The following SORCS1 variants were observed in gnomAD, a reference collection of about 807,000 sequenced individuals.
SORCS1 encodes the protein sortilin related VPS10 domain containing receptor 1.
SORCS1 carries 60 observed loss-of-function variants against 146.1 expected under a neutral mutation model. That is an observed-to-expected ratio of 0.41 (90% CI 0.33 to 0.51). The LOEUF (loss-of-function observed/expected upper bound fraction) is 0.51, where lower values mean the gene tolerates loss of function less well. Among genes scored for constraint, SORCS1 ranks in the 20% least tolerant of loss-of-function variants. The probability of loss-of-function intolerance (pLI) is 0.21; values close to 1 mark genes in which losing one functional copy is unlikely to be tolerated. For synonymous variants in SORCS1, 637 were observed against 584.0 expected (o/e 1.09, Z -1.31); for missense variants, 1,352 against 1,487.6 (o/e 0.91, Z 1.50).
In SORCS1 at chr10:107,164,415, A is replaced by C; in HGVS notation, c.112T>G (p.Cys38Gly). The change falls in exon 1 of 26, where the codon TGC becomes GGC. Residue 38 changes from cysteine to glycine, a missense_variant. This residue lies in a region of SORCS1 where 490 missense variants were observed against 489.1 expected (regional missense o/e 1.00). Transcript: ENST00000263054. The surrounding 1 kb of genome is among the most constrained non-coding windows in gnomAD (Gnocchi z 6.8). ...APGVCGGGSC[C>G]PSPHPSSAPR... ...GCGGAGCTGGGGTGCGGCGAGGGGC[A>C]GCAGGAGCCGCCGCCGCAGACGCCC... The C allele has an allele frequency of 7.1e-7, 1 of 1,414,188 alleles. No individual in the cohort carries two copies. Among genetic ancestry groups the C allele is most frequent in the Non-Finnish European group, 9.2e-7 (1 of 1,089,490 alleles). The allele number at this position is 1,414,188 out of a possible 1,614,324, so 87.6% of individuals were successfully genotyped here. A position where few individuals can be genotyped will look rare whatever the true frequency, so the allele number is the denominator to read the frequency against.
At chr10:106,980,120 A>T (rs1956190140) in intron 1 of SORCS1, among the ~76,000 whole-genome samples, 1 of 152,246 alleles carries the variant, frequency 6.6e-6, no homozygotes, top group Non-Finnish European at 1.5e-5. Flanking sequence ...TACATTGAGG[A>T]TTATTTGTAA....
chr10:106,732,875 C>G (rs1856694228), intron 5 of SORCS1, among the ~76,000 whole-genome samples: 1 of 151,892 alleles, frequency 6.6e-6, no homozygotes, highest in African/African-American at 2.4e-5. Flanking sequence ...AATCCCAGCA[C>G]TGTGGGAGGC....
intron 5 of SORCS1, among the ~76,000 whole-genome samples, chr10:106,759,983 T>C (rs956957039): frequency 3.9e-5 from 6 of 152,182 alleles, no homozygotes; most frequent in Admixed American, 2.6e-4. Flanking sequence ...CAAGTATCTC[T>C]ATCTATATAT....
intron 1 of SORCS1, among the ~76,000 whole-genome samples, chr10:107,001,246 T>C (rs1051237155): frequency 2.0e-5 from 3 of 152,172 alleles, no homozygotes; most frequent in African/African-American, 7.2e-5. Context: ...TATGGTTATG[T>C]TGGGCTGGTG....
chr10:106,798,116 A>C (rs554456534), intron 3 of SORCS1, among the ~76,000 whole-genome samples: 150 of 152,252 alleles, frequency 9.9e-4, no homozygotes, highest in Admixed American at 1.8e-3. Flanking sequence ...GTGATAGCGA[A>C]TAAGTCTCAC....
intron 3 of SORCS1, among the ~76,000 whole-genome samples, chr10:106,815,357 A>G (rs1947685729): frequency 1.3e-5 from 2 of 152,208 alleles, no homozygotes. Context: ...GCAGTTGTAG[A>G]TACATAATAT....
In SORCS1 at chr10:106,674,113, G is replaced by C. The variant is rs555879962; in HGVS notation, c.1940+936C>G. On this transcript the variant is annotated intron_variant, in intron 14 of 25. Coordinates refer to ENST00000263054, the MANE Select transcript of SORCS1 (RefSeq NM_052918.5). The stretch of plus-strand genomic sequence containing the variant: ...AGGTGGATCACAAGGTCAGGAGATC[G>C]AGACCATCCTGGCTAACGTGGTGAA... Among the ~76,000 whole-genome samples, 3 of 147,100 alleles carry C rather than the reference G, an allele frequency of 2.0e-5. No individual in the cohort carries two copies. In the Admixed American group the frequency reaches 2.1e-4, roughly 10 times the overall value.
intron 2 of SORCS1, among the ~76,000 whole-genome samples, chr10:106,941,406 A>T (rs535868892): frequency 6.6e-6 from 1 of 152,208 alleles, no homozygotes; most frequent in South Asian, 2.1e-4. Context: ...GACTTAAAAA[A>T]AAAATCTCCC....
chr10:106,724,594 C>A (rs1856019461), intron 6 of SORCS1, among the ~76,000 whole-genome samples: 1 of 151,710 alleles, frequency 6.6e-6, no homozygotes. Flanking sequence ...TAAAGCTTTC[C>A]AGAGCTCACC....
chr10:106,728,975 C>T (rs992325619), intron 6 of SORCS1, among the ~76,000 whole-genome samples: 6 of 152,138 alleles, frequency 3.9e-5, no homozygotes, highest in African/African-American at 1.4e-4. Context: ...ACAGTTTCCC[C>T]CTTTTCTCAT....
rs542708875 is a variant in SORCS1 at position 106,829,741 on chromosome 10, C to T, written c.627-68G>A. ...CATTTGGCTGCTTGTCAGTATAATG[C>T]ATGCTTTACACAGTAGAATGGCTCT... On this transcript the variant is annotated intron_variant, in intron 2 of 25. Coordinates refer to ENST00000263054, the MANE Select transcript of SORCS1 (RefSeq NM_052918.5). 2.0e-5 allele frequency: 23 copies of T among 1,161,512 alleles called. No individual in the cohort carries two copies. The East Asian group carries it at 5.2e-4, about 26-fold the overall frequency. 72.0% of individuals were successfully genotyped at this position (1,161,512 alleles called of 1,614,324 possible).
intron 2 of SORCS1, among the ~76,000 whole-genome samples, chr10:106,850,843 C>T (rs12247125): frequency 0.038 from 5,743 of 152,260 alleles, 290 homozygotes; most frequent in East Asian, 0.24. Flanking sequence ...CCTCATCTCC[C>T]CTGCCACCCA....
At chr10:107,020,072 TG>T (rs1958066362) in intron 1 of SORCS1, among the ~76,000 whole-genome samples, 1 of 152,232 alleles carries the variant, frequency 6.6e-6, no homozygotes. Context: ...TGAAAGGCAA[TG>T]ACCTCTGAGA....
intron 5 of SORCS1, among the ~76,000 whole-genome samples, chr10:106,753,474 G>C (rs930348940): frequency 3.9e-5 from 6 of 152,056 alleles, no homozygotes; most frequent in South Asian, 2.1e-4. Context: ...AAGTTGGCTC[G>C]GCAGCAATAT....
the SORCS1 span, among the ~76,000 whole-genome samples, chr10:107,174,330 C>A: frequency 1.3e-5 from 2 of 152,032 alleles, no homozygotes; most frequent in African/African-American, 4.8e-5. Context: ...CTCAGCTTCC[C>A]GAGTAGCTGG....
At chr10:106,787,851 A>G (rs1274914609) in intron 3 of SORCS1, among the ~76,000 whole-genome samples, 1 of 152,208 alleles carries the variant, frequency 6.6e-6, no homozygotes, top group Non-Finnish European at 1.5e-5. Context: ...TTGTGACTAT[A>G]CAAAAGCCAT....
At chr10:107,008,868 G>A (rs889104225) in intron 1 of SORCS1, among the ~76,000 whole-genome samples, 6 of 152,222 alleles carry the variant, frequency 3.9e-5, no homozygotes, top group East Asian at 1.9e-4. Context: ...ATGGTGGCGG[G>A]TGCCTGTCGT....
chr10:106,706,754 T>C lies in SORCS1; in HGVS notation c.1144-120A>G, dbSNP rs1043569301. ...CACAACAAATGGCATTAATGTCTAT[T>C]GCGGACAAGTGTAAAGAATTGGCCT... On this transcript the variant is annotated intron_variant, in intron 7 of 25. Coordinates refer to ENST00000263054, the MANE Select transcript of SORCS1 (RefSeq NM_052918.5). 1.9e-5 allele frequency: 16 copies of C among 840,058 alleles called. 1 individual carries two copies. In the East Asian group the frequency reaches 3.9e-4, roughly 21 times the overall value. The allele number at this position is 840,058 out of a possible 1,614,324, so 52.0% of individuals were successfully genotyped here. A position where few individuals can be genotyped will look rare whatever the true frequency, so the allele number is the denominator to read the frequency against.
intron 1 of SORCS1, among the ~76,000 whole-genome samples, chr10:107,090,519 C>T (rs1304638205): frequency 6.6e-6 from 1 of 152,074 alleles, no homozygotes; most frequent in African/African-American, 2.4e-5. Context: ...TGACTGATAA[C>T]AATAAAAACC....
Sources: allele counts gnomAD v4.1 joint callset (sites outside exome capture counted in the v4.1 genomes callset), GRCh38; gene constraint gnomAD v4.1.1; regional missense constraint gnomAD v4.1.1; non-coding constraint Gnocchi (gnomAD v3.1); transcripts MANE v1.5; gene names NCBI Gene and HGNC (gene_info 2026-07-23, HGNC 2026-07-21).